The following LRRC4C variants were observed in gnomAD, a reference collection of about 807,000 sequenced individuals.
LRRC4C encodes the protein leucine-rich repeat-containing protein 4C.
A neutral mutation model predicts 33.6 loss-of-function variants in LRRC4C; 5 were observed. That is an observed-to-expected ratio of 0.15 (90% CI 0.08 to 0.31). The LOEUF (loss-of-function observed/expected upper bound fraction) is 0.31. Ranked by LOEUF, LRRC4C falls within the 10% of genes least tolerant of loss-of-function variation. LRRC4C has a pLI of 1.00. For missense variants in LRRC4C, 560 were observed against 796.7 expected, an observed-to-expected ratio of 0.70 and a Z score of 3.58; for synonymous variants, 329 against 302.0, an observed-to-expected ratio of 1.09 and a Z score of -0.93.
intron 1 of LRRC4C, among the ~76,000 whole-genome samples, chr11:41,277,700 T>G (rs1241736641): frequency 6.6e-6 from 1 of 152,146 alleles, no homozygotes; most frequent in East Asian, 1.9e-4. Context: ...TTATCTATAA[T>G]GTTACACATT....
chr11:40,652,691 C>T (rs746489706), intron 2 of LRRC4C, among the ~76,000 whole-genome samples: 2 of 152,202 alleles, frequency 1.3e-5, no homozygotes, highest in African/African-American at 2.4e-5. Flanking sequence ...CTACCTTCTA[C>T]TGCATCTTTC....
At chr11:41,272,008 C>A (rs965011264) in intron 1 of LRRC4C, among the ~76,000 whole-genome samples, 2 of 152,008 alleles carry the variant, frequency 1.3e-5, no homozygotes, top group African/African-American at 4.8e-5. Context: ...CCTAAAGTCA[C>A]ATAAAAAAGA....
At chr11:41,349,911 C>A (rs897132011) in intron 1 of LRRC4C, among the ~76,000 whole-genome samples, 2 of 152,094 alleles carry the variant, frequency 1.3e-5, no homozygotes, top group Non-Finnish European at 2.9e-5. Context: ...ATAATTAATT[C>A]TTCCAAAACA....
intron 3 of LRRC4C, among the ~76,000 whole-genome samples, chr11:40,429,723 T>C (rs2137834055): frequency 1.3e-5 from 2 of 152,220 alleles, no homozygotes; most frequent in Middle Eastern, 6.8e-3. Flanking sequence ...AGTAATCTGA[T>C]CCAAATTTTA....
intron 1 of LRRC4C, among the ~76,000 whole-genome samples, chr11:41,211,311 A>G (rs908404420): frequency 6.6e-6 from 1 of 152,100 alleles, no homozygotes; most frequent in Non-Finnish European, 1.5e-5. Flanking sequence ...AGGCCAACTA[A>G]TCTTTTTTTA....
chr11:40,340,630 C>A (rs1946825980), intron 3 of LRRC4C, among the ~76,000 whole-genome samples: 1 of 152,066 alleles, frequency 6.6e-6, no homozygotes, highest in South Asian at 2.1e-4. Context: ...TCATTTAATT[C>A]TTACAATTCT....
intron 1 of LRRC4C, among the ~76,000 whole-genome samples, chr11:41,004,156 A>G (rs1212457578): frequency 6.6e-6 from 1 of 152,144 alleles, no homozygotes; most frequent in Non-Finnish European, 1.5e-5. Context: ...AAAATACATT[A>G]GGGAGGGAAC....
At chr11:40,710,601 AC>A in intron 2 of LRRC4C, among the ~76,000 whole-genome samples, 1 of 152,194 alleles carries the variant, frequency 6.6e-6, no homozygotes, top group Non-Finnish European at 1.5e-5. Context: ...TCAGAGGGGC[AC>A]CCGGCTGTTT....
At chr11:40,294,624 C>G (rs959188193) in intron 4 of LRRC4C, among the ~76,000 whole-genome samples, 1 of 151,924 alleles carries the variant, frequency 6.6e-6, no homozygotes, top group African/African-American at 2.4e-5. Context: ...GTCAGGAGAT[C>G]GAGACCAACC....
chr11:40,542,190 T>C (rs1204447669), intron 3 of LRRC4C, among the ~76,000 whole-genome samples: 1 of 152,090 alleles, frequency 6.6e-6, no homozygotes, highest in African/African-American at 2.4e-5. Context: ...TATATTTTGT[T>C]CTTGCATTTA....
intron 2 of LRRC4C, among the ~76,000 whole-genome samples, chr11:40,796,807 T>C (rs1179030968): frequency 2.0e-5 from 3 of 151,984 alleles, no homozygotes; most frequent in African/African-American, 7.2e-5. Context: ...CCACGATGCC[T>C]GGCTAATTTT....
intron 3 of LRRC4C, among the ~76,000 whole-genome samples, chr11:40,584,146 T>C (rs907779256): frequency 1.6e-5 from 2 of 122,146 alleles, no homozygotes; most frequent in African/African-American, 3.0e-5. Context: ...TTTTGGACTT[T>C]CCTTAAGTAT....
chr11:41,121,993 G>A (rs1446990927), intron 1 of LRRC4C, among the ~76,000 whole-genome samples: 1 of 151,910 alleles, frequency 6.6e-6, no homozygotes, highest in South Asian at 2.1e-4. Context: ...ATGATCATAA[G>A]CTGGGATAAA....
intron 3 of LRRC4C, among the ~76,000 whole-genome samples, chr11:40,544,080 CTA>C (rs770313212): frequency 1.4e-4 from 22 of 152,036 alleles, no homozygotes; most frequent in Non-Finnish European, 2.6e-4. Flanking sequence ...CTTTGCCATA[CTA>C]TCTTTCCTAA....
At chr11:40,308,311 A>G (rs1945137408) in intron 4 of LRRC4C, among the ~76,000 whole-genome samples, 1 of 152,254 alleles carries the variant, frequency 6.6e-6, no homozygotes, top group South Asian at 2.1e-4. Flanking sequence ...AAAGTAGAAG[A>G]GAAACTGATC....
chr11:40,953,877 T>C (rs1958832338), intron 1 of LRRC4C, among the ~76,000 whole-genome samples: 2 of 151,904 alleles, frequency 1.3e-5, no homozygotes, highest in South Asian at 4.1e-4. Flanking sequence ...TATCTTATTT[T>C]GTCATTACAA....
chr11:41,236,707 A>T (rs1054490634), intron 1 of LRRC4C, among the ~76,000 whole-genome samples: 1 of 152,178 alleles, frequency 6.6e-6, no homozygotes, highest in Non-Finnish European at 1.5e-5. Flanking sequence ...ATTTGAAAAA[A>T]GAAAAATGTT....
At chr11:40,640,348 C>G (rs7944872) in intron 3 of LRRC4C, among the ~76,000 whole-genome samples, 151,599 of 152,272 alleles carry the variant, frequency 1, 75,469 homozygotes, top group Middle Eastern at 1. Flanking sequence ...ACTGCGCTGA[C>G]GGAAGAAATA....
intron 1 of LRRC4C, among the ~76,000 whole-genome samples, chr11:41,343,473 G>A (rs1050193388): frequency 6.6e-6 from 1 of 152,168 alleles, no homozygotes; most frequent in South Asian, 2.1e-4. Context: ...CTGAAATGAT[G>A]AGTTTTAAGT....
Sources: gnomAD v4.1 joint callset for allele counts (sites outside exome capture counted in the v4.1 genomes callset) on GRCh38, gnomAD v4.1.1 for gene constraint, MANE v1.5 for transcripts, NCBI Gene and HGNC (gene_info 2026-07-23, HGNC 2026-07-21) for gene names.